The following PDE11A variants were observed in gnomAD, a reference collection of about 807,000 sequenced individuals.
The protein encoded by PDE11A is dual 3',5'-cyclic-AMP and -GMP phosphodiesterase 11A.
PDE11A carries 100 observed loss-of-function variants against 100.5 expected under a neutral mutation model. That is an observed-to-expected ratio of 1.00 (90% CI 0.85 to 1.18). The LOEUF (loss-of-function observed/expected upper bound fraction) is 1.18, where lower values mean the gene tolerates loss of function less well. PDE11A is among the 50% of genes most tolerant of loss of function. The pLI is 0.00. For synonymous variants in PDE11A, 381 were observed against 420.8 expected, an observed-to-expected ratio of 0.91 and a Z score of 1.16; for missense variants, 1,141 against 1,152.6, an observed-to-expected ratio of 0.99 and a Z score of 0.15.
chr2:178,007,005 C>T (rs575866706), intron 2 of PDE11A, among the ~76,000 whole-genome samples: 2 of 152,302 alleles, frequency 1.3e-5, no homozygotes, highest in East Asian at 1.9e-4. Flanking sequence ...CAGGCCAATA[C>T]TTGCTTCTTC....
At chr2:178,061,668 C>A (rs747259207) in intron 1 of PDE11A, among the ~76,000 whole-genome samples, 11 of 152,170 alleles carry the variant, frequency 7.2e-5, no homozygotes, top group Non-Finnish European at 1.6e-4. Flanking sequence ...GAAAGCATAT[C>A]TATTCCATTT....
intron 9 of PDE11A, among the ~76,000 whole-genome samples, chr2:177,774,420 A>G (rs146434000): frequency 1.3e-3 from 202 of 152,308 alleles, no homozygotes; most frequent in Middle Eastern, 3.4e-3. Context: ...TGAATCTCCA[A>G]TTGCCTTTTG....
intron 13 of PDE11A, among the ~76,000 whole-genome samples, chr2:177,706,644 A>G (rs2081283915): frequency 6.6e-6 from 1 of 152,176 alleles, no homozygotes; most frequent in African/African-American, 2.4e-5. Flanking sequence ...TAAGTGTCCT[A>G]AGTGCAAAAA....
intron 19 of PDE11A, among the ~76,000 whole-genome samples, chr2:177,648,092 A>G (rs2080250440): frequency 6.6e-6 from 1 of 152,156 alleles, no homozygotes; most frequent in Admixed American, 6.5e-5. Context: ...AGCCTGGGTG[A>G]CAGAGTGAGA....
Position 177,629,152 on chromosome 2 carries a change from C to T in PDE11A, c.*255G>A. On this transcript the variant is annotated 3_prime_UTR_variant, in exon 20 of 20. Transcript: ENST00000286063. ...AAAACAGTCCCCTACCCAGAGCCTT[C>T]ATTTCAGCCCATGCGTGTTCATTAG... The T allele has an allele frequency of 1.9e-6, 1 of 520,994 alleles. No homozygotes were observed. The highest frequency in any genetic ancestry group is 3.5e-6 in the Non-Finnish European group (1 of 287,904). The allele number at this position is 520,994 out of a possible 1,614,324, so 32.3% of individuals were successfully genotyped here.
intron 12 of PDE11A, among the ~76,000 whole-genome samples, chr2:177,718,134 A>C (rs1289266847): frequency 2.6e-5 from 4 of 152,244 alleles, no homozygotes; most frequent in Non-Finnish European, 5.9e-5. Flanking sequence ...TAACTTTTAT[A>C]GTGCTTAGTA....
At chr2:177,808,064 A>G (rs890395169) in intron 9 of PDE11A, among the ~76,000 whole-genome samples, 2 of 152,232 alleles carry the variant, frequency 1.3e-5, no homozygotes, top group Non-Finnish European at 2.9e-5. Context: ...AAATTTCAAG[A>G]TATATTTGAG....
At chr2:177,750,855 T>G (rs1200361048) in intron 10 of PDE11A, among the ~76,000 whole-genome samples, 1 of 152,240 alleles carries the variant, frequency 6.6e-6, no homozygotes, top group African/African-American at 2.4e-5. Flanking sequence ...TTCTATGAGA[T>G]ACCAGTTTGG....
chr2:177,784,415 T>C (rs1476018156), intron 9 of PDE11A, among the ~76,000 whole-genome samples: 2 of 152,080 alleles, frequency 1.3e-5, no homozygotes, highest in African/African-American at 4.8e-5. Flanking sequence ...CTACCCTATA[T>C]GATCTAAACG....
rs1379761846 is a variant in PDE11A at position 177,624,698 on chromosome 2, A to G, written c.*4709T>C. ...ATTTTAACTTCTCTTAACTTTATAAATTCACTTCTAAATTAATGACTACCA... is the reference window on the plus strand; with the variant it reads ...ATTTTAACTTCTCTTAACTTTATAAGTTCACTTCTAAATTAATGACTACCA... On this transcript the variant is annotated 3_prime_UTR_variant, in exon 20 of 20. Coordinates refer to ENST00000286063, the MANE Select transcript of PDE11A (RefSeq NM_016953.4). 2.0e-5 allele frequency: 3 copies of G among 152,236 alleles called. No individual in the cohort carries two copies. The highest frequency in any genetic ancestry group is 7.2e-5 in the African/African-American group (3 of 41,466). The allele number at this position is 152,236 out of a possible 1,614,324, so 9.4% of individuals were successfully genotyped here.
chr2:177,719,473 A>G (rs1215987318), intron 12 of PDE11A, among the ~76,000 whole-genome samples: 2 of 152,110 alleles, frequency 1.3e-5, no homozygotes, highest in Non-Finnish European at 2.9e-5. Context: ...GATTTTGGAG[A>G]GTCTTTCTTC....
intron 2 of PDE11A, among the ~76,000 whole-genome samples, chr2:177,990,121 C>T (rs2105809145): frequency 6.6e-6 from 1 of 152,190 alleles, no homozygotes; most frequent in East Asian, 1.9e-4. Flanking sequence ...AAGCCTCATC[C>T]CAGCACCAAC....
Position 177,899,760 on chromosome 2 carries a change from C to A in PDE11A, c.1162-1562G>T, listed in dbSNP as rs1026396264. ...CTTCATATATATAAAATATATATAC[C>A]CTCCATATACAAAAATATACATATA... On this transcript the variant is annotated intron_variant, in intron 3 of 19. Coordinates refer to ENST00000286063, the MANE Select transcript of PDE11A (RefSeq NM_016953.4). Among the ~76,000 whole-genome samples, 9 of 146,442 alleles carry A rather than the reference C, an allele frequency of 6.1e-5. No individual in the cohort carries two copies. In the South Asian group the frequency reaches 1.9e-3, roughly 31 times the overall value.
intron 2 of PDE11A, among the ~76,000 whole-genome samples, chr2:177,932,568 G>T (rs984298385): frequency 1.3e-5 from 2 of 152,140 alleles, no homozygotes; most frequent in East Asian, 1.9e-4. Flanking sequence ...AAAATCAAAA[G>T]ATCATCTCAA....
intron 6 of PDE11A, 38 bp from the exon 7 acceptor site, chr2:177,820,333 T>C: frequency 9.4e-7 from 1 of 1,067,848 alleles, no homozygotes; most frequent in Non-Finnish European, 1.4e-6. Context: ...AATTGAATAT[T>C]AACTATTCAT....
intron 6 of PDE11A, among the ~76,000 whole-genome samples, chr2:177,831,666 T>C (rs1018802006): frequency 1.1e-4 from 17 of 152,220 alleles, no homozygotes; most frequent in Admixed American, 1.0e-3. Flanking sequence ...GGCAAGTCAT[T>C]CATAAGTTGC....
chr2:177,979,675 A>G (rs1179497476), intron 2 of PDE11A, among the ~76,000 whole-genome samples: 1 of 137,872 alleles, frequency 7.3e-6, no homozygotes, highest in Non-Finnish European at 1.5e-5. Context: ...CAGTGGCGCA[A>G]TCTCAGCTCA....
intron 19 of PDE11A, among the ~76,000 whole-genome samples, chr2:177,653,617 A>G (rs1444559785): frequency 6.6e-6 from 1 of 152,198 alleles, no homozygotes; most frequent in African/African-American, 2.4e-5. Context: ...TAAGAAGGTC[A>G]TGTGAAAACA....
At chr2:178,044,474 T>C (rs2086724173) in intron 1 of PDE11A, among the ~76,000 whole-genome samples, 1 of 85,714 alleles carries the variant, frequency 1.2e-5, no homozygotes, top group Non-Finnish European at 2.7e-5. Context: ...GTAAAATGTA[T>C]GATTTTCTGA....
Sources: gnomAD v4.1 joint callset for allele counts (sites outside exome capture counted in the v4.1 genomes callset) on GRCh38, gnomAD v4.1.1 for gene constraint, MANE v1.5 for transcripts, NCBI Gene and HGNC (gene_info 2026-07-23, HGNC 2026-07-21) for gene names.